DOCK3: variants seen among roughly 807,000 people sequenced by gnomAD.
DOCK3 encodes dedicator of cytokinesis 3.
In DOCK3, 60 loss-of-function variants were observed where a neutral mutation model predicts 265.6. That is an observed-to-expected ratio of 0.23 (90% CI 0.18 to 0.28). The LOEUF (loss-of-function observed/expected upper bound fraction) is 0.28, where lower values mean the gene tolerates loss of function less well. DOCK3 is among the 10% of genes least tolerant of loss of function. The pLI, the probability that DOCK3 is intolerant of heterozygous loss-of-function variation, is 1.00. For synonymous variants in DOCK3, 881 were observed against 938.0 expected, an observed-to-expected ratio of 0.94 and a Z score of 1.11; for missense variants, 1,981 against 2,594.3, an observed-to-expected ratio of 0.76 and a Z score of 5.14.
chr3:50,857,473 G>A (rs2046657311), intron 3 of DOCK3, among the ~76,000 whole-genome samples: 1 of 152,106 alleles, frequency 6.6e-6, no homozygotes, highest in Non-Finnish European at 1.5e-5. Context: ...CACGGCAAAA[G>A]AAACTACCAT....
chr3:51,108,324 T>C (rs963290356), intron 9 of DOCK3, among the ~76,000 whole-genome samples: 4 of 152,162 alleles, frequency 2.6e-5, no homozygotes, highest in African/African-American at 9.7e-5. Context: ...AAGATCCTTG[T>C]CAGGCAAGCA....
chr3:51,149,461 A>G (rs1039966221), intron 10 of DOCK3, among the ~76,000 whole-genome samples: 3 of 152,160 alleles, frequency 2.0e-5, no homozygotes, highest in Non-Finnish European at 2.9e-5. Context: ...ATTCAGTACG[A>G]TATTGGCTGT....
intron 5 of DOCK3, among the ~76,000 whole-genome samples, chr3:50,988,676 T>C (rs2077993003): frequency 6.6e-6 from 1 of 152,190 alleles, no homozygotes; most frequent in African/African-American, 2.4e-5. Context: ...GGCTGCCATC[T>C]TTGCCGTTTT....
intron 14 of DOCK3, among the ~76,000 whole-genome samples, chr3:51,215,086 A>AG (rs1459594516): frequency 6.6e-6 from 1 of 152,132 alleles, no homozygotes; most frequent in African/African-American, 2.4e-5. Context: ...AGATTCTAGG[A>AG]GGAGTGGACC....
intron 31 of DOCK3, among the ~76,000 whole-genome samples, chr3:51,314,447 A>G (rs1163204008): frequency 6.6e-6 from 1 of 152,166 alleles, no homozygotes; most frequent in East Asian, 1.9e-4. Context: ...CAGGAGGAGG[A>G]CTTCTTTGGC....
intron 5 of DOCK3, among the ~76,000 whole-genome samples, chr3:50,941,639 A>G (rs2076298887): frequency 6.6e-6 from 1 of 152,094 alleles, no homozygotes; most frequent in African/African-American, 2.4e-5. Context: ...TTTATTTCTA[A>G]TAGCATAAAC....
At chr3:50,763,091 G>T (rs2040630477) in intron 1 of DOCK3, among the ~76,000 whole-genome samples, 1 of 152,018 alleles carries the variant, frequency 6.6e-6, no homozygotes, top group South Asian at 2.1e-4. Flanking sequence ...TCAAAAAGTT[G>T]TAAGTTCAGA....
intron 12 of DOCK3, among the ~76,000 whole-genome samples, chr3:51,177,431 T>G (rs940466619): frequency 6.6e-6 from 1 of 152,182 alleles, no homozygotes; most frequent in Non-Finnish European, 1.5e-5. Context: ...AGTATTTCTA[T>G]TAGTTAAAAT....
intron 4 of DOCK3, among the ~76,000 whole-genome samples, chr3:50,899,256 T>C (rs12485524): frequency 0.089 from 13,483 of 152,218 alleles, 1,221 homozygotes; most frequent in East Asian, 0.33. Flanking sequence ...TTTTTTGATC[T>C]TTCTTGGTTT....
chr3:50,829,554 C>G (rs1287273797), intron 2 of DOCK3, among the ~76,000 whole-genome samples: 1 of 152,092 alleles, frequency 6.6e-6, no homozygotes, highest in East Asian at 1.9e-4. Flanking sequence ...ATGGAACTAT[C>G]ATTTTCTGCT....
chr3:50,882,923 A>G (rs1255563734), intron 3 of DOCK3, among the ~76,000 whole-genome samples: 1 of 152,196 alleles, frequency 6.6e-6, no homozygotes, highest in Non-Finnish European at 1.5e-5. Context: ...TACACCATGG[A>G]ATACTATGCA....
At chr3:50,962,262 G>C (rs914402690) in intron 5 of DOCK3, among the ~76,000 whole-genome samples, 24 of 152,096 alleles carry the variant, frequency 1.6e-4, no homozygotes, top group Non-Finnish European at 4.4e-5. Flanking sequence ...TGCAACAAAA[G>C]ATGTAAAGGT....
chr3:50,868,723 A>G (rs1162261125), intron 3 of DOCK3, among the ~76,000 whole-genome samples: 1 of 151,366 alleles, frequency 6.6e-6, no homozygotes, highest in Non-Finnish European at 1.5e-5. Context: ...CAGGTTTTGG[A>G]TTTCTTTATT....
intron 14 of DOCK3, among the ~76,000 whole-genome samples, chr3:51,220,578 A>C (rs1304920878): frequency 6.7e-6 from 1 of 148,330 alleles, no homozygotes; most frequent in Non-Finnish European, 1.5e-5. Context: ...AATCGCTTGA[A>C]CCCGGTAGGT....
intron 19 of DOCK3, among the ~76,000 whole-genome samples, chr3:51,230,320 T>C (rs1022430415): frequency 3.3e-5 from 5 of 152,174 alleles, no homozygotes; most frequent in African/African-American, 9.7e-5. Flanking sequence ...CATTTTTATG[T>C]CCACGAGTAC....
intron 4 of DOCK3, among the ~76,000 whole-genome samples, chr3:50,906,134 G>C (rs573723701): frequency 1.3e-5 from 2 of 152,138 alleles, no homozygotes; most frequent in Admixed American, 1.3e-4. Context: ...TTTTGGATAA[G>C]CTTTTTGATG....
intron 1 of DOCK3, among the ~76,000 whole-genome samples, chr3:50,732,319 C>A (rs922716764): frequency 6.6e-6 from 1 of 151,954 alleles, no homozygotes; most frequent in African/African-American, 2.4e-5. Flanking sequence ...GACTTAATAC[C>A]TAGGTGATGG....
intron 38 of DOCK3, among the ~76,000 whole-genome samples, chr3:51,345,355 A>G (rs1302113812): frequency 6.6e-6 from 1 of 152,204 alleles, no homozygotes; most frequent in Non-Finnish European, 1.5e-5. Flanking sequence ...CATGCCTGTA[A>G]TGTCAACACT....
At chr3:51,176,804 A>C (rs1263292820) in intron 12 of DOCK3, among the ~76,000 whole-genome samples, 3 of 152,224 alleles carry the variant, frequency 2.0e-5, no homozygotes, top group Non-Finnish European at 2.9e-5. Context: ...AGATGAAAAA[A>C]ATAAATTATA....
Sources: gnomAD v4.1 joint callset for allele counts (sites outside exome capture counted in the v4.1 genomes callset) on GRCh38, gnomAD v4.1.1 for gene constraint, MANE v1.5 for transcripts, NCBI Gene and HGNC (gene_info 2026-07-23, HGNC 2026-07-21) for gene names.